The following CHCHD6 variants were observed in gnomAD, a reference collection of about 807,000 sequenced individuals.
CHCHD6 encodes MICOS complex subunit MIC25.
CHCHD6 carries 28 observed loss-of-function variants against 32.3 expected under a neutral mutation model. The ratio of observed to expected loss-of-function variants is 0.87; its 90% CI spans 0.64 to 1.19. The LOEUF (loss-of-function observed/expected upper bound fraction) is 1.19. Ranked by LOEUF, CHCHD6 falls within the 50% of genes most tolerant of loss-of-function variation. The pLI is 0.00. For missense variants in CHCHD6, 333 were observed against 307.0 expected (o/e 1.08, Z -0.63); for synonymous variants, 122 against 117.5 (o/e 1.04, Z -0.25).
At chr3:126,940,963 A>T (rs2078551030) in intron 6 of CHCHD6, among the ~76,000 whole-genome samples, 2 of 151,628 alleles carry the variant, frequency 1.3e-5, no homozygotes, top group African/African-American at 4.9e-5. Flanking sequence ...TTTTCTTGTG[A>T]CTGTTTTCTA....
At chr3:126,835,755 T>A (rs1436804133) in intron 4 of CHCHD6, among the ~76,000 whole-genome samples, 2 of 152,222 alleles carry the variant, frequency 1.3e-5, no homozygotes, top group African/African-American at 2.4e-5. Context: ...GAAGCATGAG[T>A]AAGCTCTGCT....
chr3:126,801,957 C>A (rs1410749723), intron 4 of CHCHD6, among the ~76,000 whole-genome samples: 1 of 152,230 alleles, frequency 6.6e-6, no homozygotes, highest in Admixed American at 6.5e-5. Flanking sequence ...CAAACAAGGT[C>A]TGGAGTGGAC....
intron 4 of CHCHD6, among the ~76,000 whole-genome samples, chr3:126,800,214 T>G (rs1258807553): frequency 6.6e-6 from 1 of 152,210 alleles, no homozygotes; most frequent in African/African-American, 2.4e-5. Flanking sequence ...TGTAAGGATG[T>G]GAGACTTGAG....
At chr3:126,772,573 T>A (rs1050874445) in intron 4 of CHCHD6, among the ~76,000 whole-genome samples, 8 of 152,218 alleles carry the variant, frequency 5.3e-5, no homozygotes, top group Admixed American at 3.3e-4. Context: ...CTATTTTTTG[T>A]TTTCCATTTG....
chr3:126,844,237 T>A, intron 4 of CHCHD6, among the ~76,000 whole-genome samples: 1 of 152,226 alleles, frequency 6.6e-6, no homozygotes, highest in Non-Finnish European at 1.5e-5. Flanking sequence ...TCACGTTGGA[T>A]GATAATACTG....
chr3:126,807,670 G>A lies in CHCHD6; in HGVS notation c.412-44977G>A, dbSNP rs936501864. On this transcript the variant is annotated intron_variant, in intron 4 of 7. Transcript: ENST00000290913. The stretch of plus-strand genomic sequence containing the variant: ...CAGATTGAGAAGGGCCCGTTAGTTC[G>A]TAGCCCATTAGCTTTCGAAAATAGA... Among the ~76,000 whole-genome samples the A allele has an allele frequency of 3.9e-5, 6 of 152,274 alleles. 1 individual carries two copies. Among genetic ancestry groups the A allele is most frequent in the Non-Finnish European group, 4.4e-5 (3 of 68,016 alleles).
intron 5 of CHCHD6, among the ~76,000 whole-genome samples, chr3:126,865,083 TC>T (rs2107563607): frequency 8.5e-6 from 1 of 117,818 alleles, no homozygotes; most frequent in Admixed American, 7.8e-5. Context: ...CACCTCCACT[TC>T]TTCCTCCTCC....
At chr3:126,916,363 T>G (rs2078170910) in intron 6 of CHCHD6, among the ~76,000 whole-genome samples, 1 of 149,304 alleles carries the variant, frequency 6.7e-6, no homozygotes, top group Non-Finnish European at 1.5e-5. Flanking sequence ...ATCGTGCCAC[T>G]GCACTCCAGC....
chr3:126,711,985 G>C (rs1309018749), intron 1 of CHCHD6, among the ~76,000 whole-genome samples: 1 of 152,230 alleles, frequency 6.6e-6, no homozygotes, highest in Non-Finnish European at 1.5e-5. Context: ...GACAAGTGCT[G>C]AGGCATTAGA....
chr3:126,843,848 G>A (rs1350856434), intron 4 of CHCHD6, among the ~76,000 whole-genome samples: 1 of 152,166 alleles, frequency 6.6e-6, no homozygotes, highest in Non-Finnish European at 1.5e-5. Flanking sequence ...GTACTTTTCA[G>A]TAGCTTCCAT....
At chr3:126,875,892 C>G (rs1175163781) in intron 5 of CHCHD6, among the ~76,000 whole-genome samples, 1 of 152,220 alleles carries the variant, frequency 6.6e-6, no homozygotes, top group Non-Finnish European at 1.5e-5. Context: ...GCTTTCTGCT[C>G]TTCTCCCAGG....
At chr3:126,768,447 G>A (rs1379240171) in intron 4 of CHCHD6, among the ~76,000 whole-genome samples, 1 of 152,152 alleles carries the variant, frequency 6.6e-6, no homozygotes, top group East Asian at 1.9e-4. Context: ...CAGCAGAACT[G>A]CGAGCCAGTT....
chr3:126,865,148 C>G (rs1942239502), intron 5 of CHCHD6, among the ~76,000 whole-genome samples: 1 of 57,956 alleles, frequency 1.7e-5, no homozygotes, highest in Non-Finnish European at 4.6e-5. Context: ...CCACCACCTC[C>G]TTTTCCACCA....
chr3:126,802,694 A>G (rs1275154553), intron 4 of CHCHD6, among the ~76,000 whole-genome samples: 1 of 152,194 alleles, frequency 6.6e-6, no homozygotes, highest in Non-Finnish European at 1.5e-5. Flanking sequence ...CCAACATTCA[A>G]ATTCAGGAAA....
At chr3:126,793,061 G>T (rs1938627330) in intron 4 of CHCHD6, among the ~76,000 whole-genome samples, 1 of 151,956 alleles carries the variant, frequency 6.6e-6, no homozygotes, top group African/African-American at 2.4e-5. Flanking sequence ...GGCCCATCCA[G>T]CTTTCTTTTC....
chr3:126,906,652 TACA>T (rs1357690847), intron 5 of CHCHD6, among the ~76,000 whole-genome samples: 2 of 152,260 alleles, frequency 1.3e-5, no homozygotes, highest in African/African-American at 2.4e-5. Flanking sequence ...GCCAGTCATT[TACA>T]ACAATACCCC....
rs138365559 is a variant in CHCHD6, at chr3:126,931,819, C to T, written c.566+17069C>T. ...TTACAGGCCCCTGGTGTATTCTGCA[C>T]TTGAAAAGAGGGGCCAGGACAAACT... On this transcript the variant is annotated intron_variant, in intron 6 of 7. Transcript: ENST00000290913. 9.3e-3 allele frequency among the ~76,000 whole-genome samples: 1,423 copies of T among 152,288 alleles called. 4 individuals are homozygous for T. Among genetic ancestry groups the T allele is most frequent in the Non-Finnish European group, 0.013 (917 of 68,022 alleles).
intron 4 of CHCHD6, among the ~76,000 whole-genome samples, chr3:126,748,179 C>A (rs1186646065): frequency 6.6e-6 from 1 of 152,176 alleles, no homozygotes; most frequent in East Asian, 1.9e-4. Context: ...TAGACCTTTC[C>A]CAAGCAGCTA....
At chr3:126,876,128 T>C (rs906991916) in intron 5 of CHCHD6, among the ~76,000 whole-genome samples, 3 of 152,260 alleles carry the variant, frequency 2.0e-5, no homozygotes, top group African/African-American at 7.2e-5. Flanking sequence ...AAGTGTCAGC[T>C]CATATAGCCT....
Sources: gnomAD v4.1 joint callset for allele counts (sites outside exome capture counted in the v4.1 genomes callset) on GRCh38, gnomAD v4.1.1 for gene constraint, MANE v1.5 for transcripts, NCBI Gene and HGNC (gene_info 2026-07-23, HGNC 2026-07-21) for gene names.